Variants in NEB observed in about 807,000 individuals in gnomAD.
The protein encoded by NEB is nemaline myopathy type 2.
Under a neutral mutation model 952.2 loss-of-function variants are expected in NEB, and 512 were observed. That is an observed-to-expected ratio of 0.54 (90% confidence interval 0.50 to 0.58). NEB has a LOEUF of 0.58. Among genes scored for constraint, NEB ranks in the 20% least tolerant of loss-of-function variants. The probability of loss-of-function intolerance (pLI) is 0.00; values close to 1 mark genes in which losing one functional copy is unlikely to be tolerated. For missense variants in NEB, 8,428 were observed against 9,231.1 expected (o/e 0.91, Z 3.56); for synonymous variants, 2,900 against 3,149.8 (o/e 0.92, Z 2.66).
chr2:151,518,857 A>G, intron 155 of NEB, 108 bp downstream of exon 155: 2 of 701,092 alleles, frequency 2.9e-6, no homozygotes, highest in South Asian at 3.5e-5. Context: ...CAGTTTTGTA[A>G]TAAATCTAGG....
At chr2:151,498,719 G>A (rs2062077568) in intron 169 of NEB, among the ~76,000 whole-genome samples, 1 of 152,100 alleles carries the variant, frequency 6.6e-6, no homozygotes, top group Admixed American at 6.5e-5. Context: ...TGAAAATGCT[G>A]TTAATCACAT....
chr2:151,714,664 C>T (rs1328481588), intron 10 of NEB, among the ~76,000 whole-genome samples: 1 of 152,076 alleles, frequency 6.6e-6, no homozygotes, highest in Non-Finnish European at 1.5e-5. Context: ...ATCTGGGAGA[C>T]ATGATTCAAC....
chr2:151,525,158 CT>C lies in NEB; in HGVS notation c.22272+4del. On this transcript the variant is annotated splice_donor_region_variant and intron_variant, in intron 151 of 181. Coordinates refer to ENST00000397345, the MANE Select transcript of NEB (RefSeq NM_001164508.2). ...CCCCCAAGAGTGTTGAGAGGGAAAA[CT>C]TACATCACTTTGCTTCTTGGCCACT... 6.2e-7 allele frequency: 1 copy of C among 1,608,150 alleles called. No homozygotes were observed. Among genetic ancestry groups the C allele is most frequent in the Non-Finnish European group, 8.5e-7 (1 of 1,174,528 alleles).
At chr2:151,663,371 T>C (rs2099168520) in intron 45 of NEB, among the ~76,000 whole-genome samples, 177 bp downstream of exon 45, 1 of 152,244 alleles carries the variant, frequency 6.6e-6, no homozygotes, top group African/African-American at 2.4e-5. Context: ...CTTTAGTTTC[T>C]AGAATTGATC....
chr2:151,710,927 C>G (rs1255217420), intron 10 of NEB, among the ~76,000 whole-genome samples: 2 of 152,204 alleles, frequency 1.3e-5, no homozygotes, highest in East Asian at 3.8e-4. Flanking sequence ...AATTTCTAAG[C>G]TTTACAAACA....
chr2:151,684,669 T>C, intron 28 of NEB, 109 bp downstream of exon 28: 2 of 1,056,532 alleles, frequency 1.9e-6, no homozygotes, highest in East Asian at 5.3e-5. Flanking sequence ...CTTACATACA[T>C]AGGACAATGC....
At chr2:151,539,871 G>A (rs923643536) in intron 138 of NEB, among the ~76,000 whole-genome samples, 1 of 152,154 alleles carries the variant, frequency 6.6e-6, no homozygotes, top group Non-Finnish European at 1.5e-5. Context: ...CCAGCAGCAT[G>A]CTAGACACTT....
intron 8 of NEB, among the ~76,000 whole-genome samples, chr2:151,723,747 TTTG>T (rs1485698259): frequency 0.029 from 3,766 of 131,392 alleles, 83 homozygotes; most frequent in Middle Eastern, 0.055. Context: ...ACCTGCCTTC[TTTG>T]TTTTTTTTTT....
At chr2:151,493,527 C>T in intron 175 of NEB, 82 bp from the exon 176 acceptor site, 7 of 879,116 alleles carry the variant, frequency 8.0e-6, no homozygotes, top group Middle Eastern at 2.2e-4. Flanking sequence ...TGTTATGGCT[C>T]ATGTTATGGC....
intron 47 of NEB, among the ~76,000 whole-genome samples, chr2:151,658,547 A>T (rs1185234197): frequency 6.6e-6 from 1 of 152,214 alleles, no homozygotes; most frequent in Admixed American, 6.5e-5. Context: ...CAAAGAAATG[A>T]TAAAAATAGG....
intron 129 of NEB, 37 bp from the exon 130 acceptor site, chr2:151,549,777 G>T: frequency 7.9e-7 from 1 of 1,268,230 alleles, no homozygotes; most frequent in Non-Finnish European, 1.1e-6. Context: ...AATGACATCG[G>T]GCATCAAGTA....
chr2:151,548,663 G>A (rs2153626883), intron 130 of NEB, among the ~76,000 whole-genome samples: 1 of 152,292 alleles, frequency 6.6e-6, no homozygotes, highest in East Asian at 1.9e-4. Context: ...TTTGTCGGAA[G>A]GTATGCAAAA....
At chr2:151,556,070 C>T (rs2095633207) in intron 124 of NEB, among the ~76,000 whole-genome samples, 1 of 152,120 alleles carries the variant, frequency 6.6e-6, no homozygotes, top group African/African-American at 2.4e-5. Context: ...TAGTACTTTT[C>T]TTCCAAAATG....
intron 148 of NEB, among the ~76,000 whole-genome samples, chr2:151,526,622 T>C (rs1249409525): frequency 1.3e-5 from 2 of 152,128 alleles, no homozygotes; most frequent in African/African-American, 4.8e-5. Context: ...AGAAAACAAA[T>C]CATGGCGTTT....
intron 12 of NEB, among the ~76,000 whole-genome samples, chr2:151,708,154 A>G (rs990647628): frequency 7.9e-5 from 12 of 152,060 alleles, no homozygotes; most frequent in Admixed American, 3.9e-4. Flanking sequence ...CCATTCCAAC[A>G]TCACCAAATC....
At chr2:151,715,284 A>C (rs2099756118) in intron 10 of NEB, among the ~76,000 whole-genome samples, 1 of 152,254 alleles carries the variant, frequency 6.6e-6, no homozygotes. Context: ...TCTGAAAATT[A>C]ACATTCCAAC....
Position 151,662,241 on chromosome 2 carries a change from A to G in NEB, c.5864T>C (p.Ile1955Thr). 1.2e-6 allele frequency: 2 copies of G among 1,613,680 alleles called. No homozygotes were observed. The highest frequency in any genetic ancestry group is 1.7e-6 in the Non-Finnish European group (2 of 1,179,672). ...AEKNKKAMEI[I>T]SEKKYRQHPD... ...GTGCTGGCGGTACTTCTTTTCACTA[A>G]TAATCTCCATGGCTTTCTTGTTTTT... The change falls in exon 46 of 182, where the codon ATT becomes ACT. Residue 1955 changes from isoleucine (I) to threonine (T), a missense_variant. Ile to Thr is a moderately conservative substitution (Grantham distance 89, BLOSUM62 -1). This residue lies in a region of NEB where 2,851 missense variants were observed against 2,791.5 expected (regional missense o/e 1.02). Transcript: ENST00000397345.
At chr2:151,678,248 G>A (rs151236535) in intron 32 of NEB, 61 bp from the exon 33 acceptor site, 195 of 1,098,754 alleles carry the variant, frequency 1.8e-4, no homozygotes, top group Non-Finnish European at 2.4e-4. Context: ...ACTAAACAAT[G>A]AGGCCATGAT....
Position 151,565,397 on chromosome 2 carries a change from C to T in NEB, c.18366+104G>A, listed in dbSNP as rs1226479525. The T allele has an allele frequency of 3.8e-5, 33 of 871,580 alleles. No homozygotes were observed. In the East Asian group the frequency reaches 8.2e-4, roughly 22 times the overall value. The allele number at this position is 871,580 out of a possible 1,614,324, so 54.0% of individuals were successfully genotyped here. A position where few individuals can be genotyped will look rare whatever the true frequency, so the allele number is the denominator to read the frequency against. On this transcript the variant is annotated intron_variant, in intron 116 of 181. Transcript: ENST00000397345. The stretch of plus-strand genomic sequence containing the variant: ...AAGATGATCTTAGAATTTACCACCT[C>T]CCAATTTTTTTACAAGCAATTATCT...
Sources: gnomAD v4.1 joint callset for allele counts (sites outside exome capture counted in the v4.1 genomes callset) on GRCh38, gnomAD v4.1.1 for gene constraint, gnomAD v4.1.1 regional missense constraint, MANE v1.5 for transcripts, NCBI Gene and HGNC (gene_info 2026-07-23, HGNC 2026-07-21) for gene names.